Variants in PHF21A observed in about 807,000 individuals in gnomAD.
The protein encoded by PHF21A is BHC80a.
Under a neutral mutation model 82.5 loss-of-function variants are expected in PHF21A, and 11 were observed. That is an observed-to-expected ratio of 0.13 (90% CI 0.08 to 0.22). PHF21A has a LOEUF of 0.22. Ranked by LOEUF, PHF21A falls within the 10% of genes least tolerant of loss-of-function variation. The probability of loss-of-function intolerance (pLI) is 1.00; values close to 1 mark genes in which losing one functional copy is unlikely to be tolerated. For synonymous variants in PHF21A, 297 were observed against 302.8 expected, an observed-to-expected ratio of 0.98 and a Z score of 0.20; for missense variants, 579 against 837.8, an observed-to-expected ratio of 0.69 and a Z score of 3.81.
intron 4 of PHF21A, among the ~76,000 whole-genome samples, chr11:46,083,275 G>C (rs1396928555): frequency 6.6e-6 from 1 of 152,066 alleles, no homozygotes; most frequent in Admixed American, 6.5e-5. Flanking sequence ...AGCAGCAGCA[G>C]GGATTTCTGA....
In PHF21A at chr11:45,934,246, A is replaced by G. The variant is rs766586238; in HGVS notation, c.1789-21T>C. 1.3e-5 allele frequency: 21 copies of G among 1,604,348 alleles called. No individual in the cohort carries two copies. The Middle Eastern group carries it at 1.6e-3, about 125-fold the overall frequency. ...CATTTCTGCAGCAAATGACAAGGGCAGTGGCACTGAGCCGCCTGGTTTCTA... is the reference window on the plus strand; with the variant it reads ...CATTTCTGCAGCAAATGACAAGGGCGGTGGCACTGAGCCGCCTGGTTTCTA... On this transcript the variant is annotated intron_variant, in intron 18 of 18. Transcript: ENST00000676320.
intron 6 of PHF21A, among the ~76,000 whole-genome samples, chr11:46,053,203 A>G (rs1379871125): frequency 6.6e-6 from 1 of 152,234 alleles, no homozygotes; most frequent in Non-Finnish European, 1.5e-5. Flanking sequence ...ACTAGATCAC[A>G]TCTCTCATGG....
intron 10 of PHF21A, among the ~76,000 whole-genome samples, chr11:45,963,551 C>T (rs182702365): frequency 2.1e-3 from 323 of 151,912 alleles, no homozygotes; most frequent in Non-Finnish European, 3.4e-3. Context: ...GGGAAAAGCA[C>T]CTTCTACAAT....
chr11:46,079,679 A>G (rs1018247553), intron 4 of PHF21A, among the ~76,000 whole-genome samples: 3 of 152,174 alleles, frequency 2.0e-5, no homozygotes, highest in Non-Finnish European at 4.4e-5. Context: ...AGGGGAGGAT[A>G]AGTTCAGTGG....
chr11:46,042,327 C>T (rs1592385199), intron 6 of PHF21A, among the ~76,000 whole-genome samples: 1 of 152,204 alleles, frequency 6.6e-6, no homozygotes, highest in Admixed American at 6.5e-5. Context: ...AAACTGGGAG[C>T]TAGAATTTGA....
At chr11:45,973,501 ATTCTC>A (rs1350592224) in intron 7 of PHF21A, among the ~76,000 whole-genome samples, 1 of 152,222 alleles carries the variant, frequency 6.6e-6, no homozygotes, top group Non-Finnish European at 1.5e-5. Flanking sequence ...TAAGTGGCTT[ATTCTC>A]TTTGCCATTG....
chr11:46,105,634 A>C (rs558629943), intron 1 of PHF21A, among the ~76,000 whole-genome samples: 3 of 152,222 alleles, frequency 2.0e-5, no homozygotes, highest in African/African-American at 7.2e-5. Context: ...ACACAAAAGG[A>C]ATGAATGAGT....
intron 17 of PHF21A, among the ~76,000 whole-genome samples, chr11:45,935,990 G>A (rs2135042001): frequency 6.6e-6 from 1 of 152,232 alleles, no homozygotes; most frequent in Non-Finnish European, 1.5e-5. Context: ...CCCAAGAAGT[G>A]CTACAGTCCA....
intron 15 of PHF21A, among the ~76,000 whole-genome samples, chr11:45,944,581 C>T (rs752540362): frequency 1.3e-5 from 2 of 152,210 alleles, no homozygotes; most frequent in Non-Finnish European, 1.5e-5. Context: ...GGCCAGCTTG[C>T]TCTGCCCCCG....
At chr11:45,947,345 G>T (rs896427278) in intron 14 of PHF21A, among the ~76,000 whole-genome samples, 2 of 152,142 alleles carry the variant, frequency 1.3e-5, no homozygotes, top group African/African-American at 4.8e-5. Flanking sequence ...ATACAAAACT[G>T]CCTATAAGCA....
chr11:45,974,191 T>C (rs1326362125), intron 7 of PHF21A, among the ~76,000 whole-genome samples: 2 of 152,190 alleles, frequency 1.3e-5, no homozygotes, highest in Non-Finnish European at 2.9e-5. Context: ...TGAAAACTTT[T>C]TGAAGAATAT....
chr11:46,057,430 G>C (rs149866605), intron 6 of PHF21A, among the ~76,000 whole-genome samples: 27 of 152,194 alleles, frequency 1.8e-4, no homozygotes, highest in African/African-American at 6.3e-4. Flanking sequence ...CAGATGCCCA[G>C]AGCATTAGGG....
At chr11:45,968,191 C>T (rs2093561882) in intron 9 of PHF21A, among the ~76,000 whole-genome samples, 1 of 152,210 alleles carries the variant, frequency 6.6e-6, no homozygotes, top group African/African-American at 2.4e-5. Flanking sequence ...GTTCTTCCTG[C>T]CCACAGTCTT....
intron 10 of PHF21A, among the ~76,000 whole-genome samples, chr11:45,954,382 T>C (rs940209491): frequency 1.3e-5 from 2 of 152,098 alleles, no homozygotes; most frequent in African/African-American, 2.4e-5. Context: ...ATACACAGTC[T>C]CCTATTTCGG....
chr11:46,020,385 C>T (rs528271782), intron 6 of PHF21A, among the ~76,000 whole-genome samples: 4 of 152,106 alleles, frequency 2.6e-5, no homozygotes, highest in Non-Finnish European at 1.5e-5. Context: ...ACCAGGAGCG[C>T]CTGCTCTGAC....
intron 15 of PHF21A, among the ~76,000 whole-genome samples, chr11:45,941,649 T>C (rs377010277): frequency 2.6e-5 from 4 of 152,272 alleles, no homozygotes; most frequent in African/African-American, 9.6e-5. Flanking sequence ...GAACCGGCTC[T>C]TTGCCTAAAA....
At chr11:46,061,334 A>G (rs2139493351) in intron 6 of PHF21A, among the ~76,000 whole-genome samples, 1 of 152,270 alleles carries the variant, frequency 6.6e-6, no homozygotes, top group Non-Finnish European at 1.5e-5. Flanking sequence ...AGTTTTCTCT[A>G]GTTCTGTGAA....
chr11:46,065,932 C>A (rs1033137337), intron 6 of PHF21A, among the ~76,000 whole-genome samples: 3 of 152,224 alleles, frequency 2.0e-5, no homozygotes, highest in Admixed American at 6.5e-5. Context: ...AGAGAAACCA[C>A]CTGACTATGC....
chr11:46,029,344 G>A (rs1451645450), intron 6 of PHF21A, among the ~76,000 whole-genome samples: 2 of 152,136 alleles, frequency 1.3e-5, no homozygotes, highest in Non-Finnish European at 2.9e-5. Flanking sequence ...TAACTGTTCT[G>A]AAAACAGACT....
Sources: allele counts gnomAD v4.1 joint callset (sites outside exome capture counted in the v4.1 genomes callset), GRCh38; gene constraint gnomAD v4.1.1; transcripts MANE v1.5; gene names NCBI Gene and HGNC (gene_info 2026-07-23, HGNC 2026-07-21).